The following MEGF6 variants were observed in gnomAD, a reference collection of about 807,000 sequenced individuals.
MEGF6 encodes the protein multiple epidermal growth factor-like domains protein 6.
Under a neutral mutation model 207.1 loss-of-function variants are expected in MEGF6, and 184 were observed. That is an observed-to-expected ratio of 0.89 (90% CI 0.79 to 1.00). The LOEUF (loss-of-function observed/expected upper bound fraction) is 1.00. MEGF6 is among the 50% of genes least tolerant of loss of function. The probability of loss-of-function intolerance (pLI) is 0.00; values close to 1 mark genes in which losing one functional copy is unlikely to be tolerated. For synonymous variants in MEGF6, 1,038 were observed against 910.0 expected (o/e 1.14, Z -2.53); for missense variants, 2,282 against 2,202.9 (o/e 1.04, Z -0.72).
chr1:3,578,869 C>T (rs1482393168), intron 4 of MEGF6, among the ~76,000 whole-genome samples: 1 of 151,728 alleles, frequency 6.6e-6, no homozygotes, highest in Non-Finnish European at 1.5e-5. Context: ...AGACCCAGCA[C>T]CTCTGCAGAA....
chr1:3,580,047 TTC>T (rs1346931645), intron 3 of MEGF6, 118 bp from the exon 4 acceptor site: 1 of 678,508 alleles, frequency 1.5e-6, no homozygotes, highest in Non-Finnish European at 2.4e-6. Flanking sequence ...CCCAGCCCCG[TTC>T]TCTCTGTCCT....
intron 33 of MEGF6, 48 bp from the exon 34 acceptor site, chr1:3,493,947 A>C: frequency 6.3e-7 from 1 of 1,581,710 alleles, no homozygotes; most frequent in Non-Finnish European, 8.6e-7. Context: ...CTGCACCCAG[A>C]CGGGACGGGG....
chr1:3,592,369 A>G (rs1252667811), intron 3 of MEGF6, among the ~76,000 whole-genome samples: 1 of 152,020 alleles, frequency 6.6e-6, no homozygotes, highest in Non-Finnish European at 1.5e-5. Flanking sequence ...GCTCCCAGGC[A>G]GCCCCCCAGA....
intron 3 of MEGF6, among the ~76,000 whole-genome samples, chr1:3,588,608 C>T (rs1289536744): frequency 2.0e-5 from 3 of 151,796 alleles, no homozygotes; most frequent in African/African-American, 7.3e-5. Flanking sequence ...CGCACTGAAG[C>T]GTCCTCCCTG....
At position 3,574,934 on chromosome 1, in the gene MEGF6, C is replaced by T. The variant is rs139106606; in HGVS notation, c.481+4891G>A. On this transcript the variant is annotated intron_variant, in intron 4 of 36. Transcript: ENST00000356575. ...CTGGGATTACAGGTGTGAGCCACCA[C>T]GCCTGGCTTGAGCCAAAGGTTCTTG... 5.3e-3 allele frequency among the ~76,000 whole-genome samples: 801 copies of T among 152,318 alleles called. 14 individuals carry two copies. The highest frequency in any genetic ancestry group is 0.018 in the African/African-American group (735 of 41,566).
intron 1 of MEGF6, among the ~76,000 whole-genome samples, chr1:3,608,061 G>T (rs1022017122): frequency 1.3e-5 from 2 of 152,114 alleles, no homozygotes; most frequent in African/African-American, 4.8e-5. Flanking sequence ...TCAGGACAGC[G>T]GCCCTGGAGG....
At chr1:3,499,310 C>T (rs1235867218) in intron 23 of MEGF6, 44 bp from the exon 24 acceptor site, 3 of 1,565,774 alleles carry the variant, frequency 1.9e-6, no homozygotes, top group East Asian at 4.6e-5. Flanking sequence ...TGGGCAGGAC[C>T]CCAGGGGTTG....
At chr1:3,524,847 G>A (rs1025587030) in intron 4 of MEGF6, among the ~76,000 whole-genome samples, 6 of 152,132 alleles carry the variant, frequency 3.9e-5, no homozygotes, top group African/African-American at 9.7e-5. Context: ...AATCCAATGC[G>A]CCTATCCCAA....
At position 3,565,958 on chromosome 1, in the gene MEGF6, G is replaced by A. The variant is rs934743554; in HGVS notation, c.481+13867C>T. On this transcript the variant is annotated intron_variant, in intron 4 of 36. Transcript: ENST00000356575. The surrounding 1 kb of genome is among the most constrained non-coding windows in gnomAD (Gnocchi z 4.8). ...CTCAGGGTCAGCTGCTATAGGACCC[G>A]CCGTGGACCACTGCCCTGCAGGTTC... is the stretch of plus-strand genomic sequence containing the variant. Among the ~76,000 whole-genome samples, 14 of 152,148 alleles carry A rather than the reference G, an allele frequency of 9.2e-5. No individual in the cohort carries two copies. The highest frequency in any genetic ancestry group is 2.6e-4 in the Admixed American group (4 of 15,284).
intron 4 of MEGF6, among the ~76,000 whole-genome samples, chr1:3,538,696 C>CTGTGTGTGTGTGTGTGTGTGTGTG (rs57325073): frequency 1.7e-4 from 23 of 132,106 alleles, no homozygotes; most frequent in African/African-American, 4.5e-4. Context: ...GAGCATGTGC[C>CTGTGTGTGTGTGTGTGTGTGTGTG]TGTGTGTGTG....
At chr1:3,506,003 GC>G in intron 15 of MEGF6, 104 bp downstream of exon 15, 1 of 1,425,656 alleles carries the variant, frequency 7.0e-7, no homozygotes, top group Non-Finnish European at 9.3e-7. Context: ...ACCTGGCTGG[GC>G]CCCGATAGCC....
At position 3,509,895 on chromosome 1, in the gene MEGF6, C is replaced by T. The variant is rs755015589; in HGVS notation, c.1332G>A (p.Leu444=). ...FQCSCEAGYR[L]HEDRRGCSPL... ...GGCTGCAGCCCCTACGGTCCTCGTG[C>T]AGCCGGTAGCCGGCCTCGCAGGAGC... is the stretch of plus-strand genomic sequence containing the variant. The change falls in exon 11 of 37, where the codon CTG becomes CTA. Residue 444 remains leucine (L), a synonymous_variant. Transcript: ENST00000356575. 5.1e-6 allele frequency: 8 copies of T among 1,559,798 alleles called. No homozygotes were observed. The African/African-American group carries it at 1.1e-4, about 21-fold the overall frequency.
Position 3,500,647 on chromosome 1 carries a change from G to T in MEGF6, c.2693C>A (p.Pro898Gln). The part of the protein sequence containing the change: ...LCLCEAGYVG[P>Q]RCEQQCPQGH... ...CCGGGACTCACGCTGCTCGCACCGCGGGCCCACGTAGCCAGCCTCACACAG... is the reference window on the plus strand; with the variant it reads ...CCGGGACTCACGCTGCTCGCACCGCTGGCCCACGTAGCCAGCCTCACACAG... The change falls in exon 21 of 37, where the codon CCG becomes CAG. Residue 898 changes from proline to glutamine, a missense_variant. Transcript: ENST00000356575. The T allele has an allele frequency of 6.4e-7, 1 of 1,561,160 alleles. No individual in the cohort carries two copies. Among genetic ancestry groups the T allele is most frequent in the Admixed American group, 1.9e-5 (1 of 52,674 alleles).
intron 4 of MEGF6, among the ~76,000 whole-genome samples, chr1:3,575,010 C>T (rs74048636): frequency 0.025 from 3,816 of 152,326 alleles, 163 homozygotes; most frequent in African/African-American, 0.088. Flanking sequence ...CAGAGCCTGC[C>T]CTTGTCCCAT....
intron 15 of MEGF6, among the ~76,000 whole-genome samples, 178 bp downstream of exon 15, chr1:3,505,930 G>C: frequency 6.6e-6 from 1 of 152,330 alleles, no homozygotes; most frequent in East Asian, 1.9e-4. Flanking sequence ...AGTCACAGTC[G>C]AGAGGATGTG....
intron 4 of MEGF6, among the ~76,000 whole-genome samples, chr1:3,536,781 G>A (rs1316356321): frequency 6.6e-6 from 1 of 152,220 alleles, no homozygotes; most frequent in Non-Finnish European, 1.5e-5. Flanking sequence ...AGGCCAGATC[G>A]AGGGCCAGTG....
At chr1:3,539,306 G>A (rs1264483420) in intron 4 of MEGF6, among the ~76,000 whole-genome samples, 1 of 152,098 alleles carries the variant, frequency 6.6e-6, no homozygotes, top group Non-Finnish European at 1.5e-5. Flanking sequence ...GAAAGGCCAG[G>A]CAGGGCCAGC....
chr1:3,516,744 G>GT (rs1275776520), intron 5 of MEGF6, among the ~76,000 whole-genome samples: 1 of 152,214 alleles, frequency 6.6e-6, no homozygotes, highest in East Asian at 1.9e-4. Context: ...CCCCCTCAGA[G>GT]CAAGCTGGCT....
chr1:3,580,420 G>A (rs1643766768), intron 3 of MEGF6, among the ~76,000 whole-genome samples: 1 of 152,228 alleles, frequency 6.6e-6, no homozygotes, highest in Admixed American at 6.5e-5. Context: ...AGACCCCAGG[G>A]AGGGGAGGAG....
Sources: allele counts gnomAD v4.1 joint callset (sites outside exome capture counted in the v4.1 genomes callset), GRCh38; gene constraint gnomAD v4.1.1; non-coding constraint Gnocchi (gnomAD v3.1); transcripts MANE v1.5; gene names NCBI Gene and HGNC (gene_info 2026-07-23, HGNC 2026-07-21).